Variants in ADAMTS6 observed in about 807,000 individuals in gnomAD.
ADAMTS6 encodes the protein ADAM metallopeptidase with thrombospondin type 1 motif 6.
A neutral mutation model predicts 144.3 loss-of-function variants in ADAMTS6; 23 were observed. The ratio of observed to expected loss-of-function variants is 0.16; its 90% confidence interval spans 0.11 to 0.23. The LOEUF is 0.23. ADAMTS6 is among the 10% of genes least tolerant of loss of function. The pLI, the probability that ADAMTS6 is intolerant of heterozygous loss-of-function variation, is 1.00. For missense variants in ADAMTS6, 999 were observed against 1,379.6 expected, an observed-to-expected ratio of 0.72 and a Z score of 4.37; for synonymous variants, 444 against 457.5, an observed-to-expected ratio of 0.97 and a Z score of 0.38.
At chr5:65,330,397 T>C (rs1746597146) in intron 8 of ADAMTS6, among the ~76,000 whole-genome samples, 1 of 152,100 alleles carries the variant, frequency 6.6e-6, no homozygotes, top group Non-Finnish European at 1.5e-5. Context: ...TTCATGCACA[T>C]AGAAACAAAA....
intron 11 of ADAMTS6, among the ~76,000 whole-genome samples, chr5:65,280,521 C>A (rs942335115): frequency 2.0e-5 from 3 of 152,080 alleles, no homozygotes; most frequent in African/African-American, 4.8e-5. Context: ...TAGACTATAT[C>A]TTTAAATATG....
chr5:65,226,188 C>T lies in ADAMTS6; in HGVS notation c.1965G>A (p.Leu655=). 1 of 1,613,706 alleles carries T rather than the reference C, an allele frequency of 6.2e-7. No homozygotes were observed. The highest frequency in any genetic ancestry group is 8.5e-7 in the Non-Finnish European group (1 of 1,179,794). The change falls in exon 16 of 25, where the codon TTG becomes TTA. Residue 655 remains leucine (L), a synonymous_variant. Transcript: ENST00000381055. ...CAGTGTAGAAATTATAACCTTCAGC[C>T]AAGCAGTTTAATGCACAAGGTTTTA... is the stretch of plus-strand genomic sequence containing the variant. The part of the protein sequence containing the change: ...GGVKPCALNC[L]AEGYNFYTER...
At chr5:65,448,780 A>G (rs914689246) in intron 7 of ADAMTS6, among the ~76,000 whole-genome samples, 3 of 151,968 alleles carry the variant, frequency 2.0e-5, no homozygotes, top group Non-Finnish European at 4.4e-5. Context: ...CACATTATAC[A>G]TTCTCCCTAG....
At chr5:65,207,513 A>G (rs894342960) in intron 20 of ADAMTS6, among the ~76,000 whole-genome samples, 3 of 152,208 alleles carry the variant, frequency 2.0e-5, no homozygotes, top group African/African-American at 7.2e-5. Context: ...GGAAGGTTTC[A>G]CTTTAAAGCC....
At chr5:65,480,478 A>C (rs572795086) in intron 1 of ADAMTS6, among the ~76,000 whole-genome samples, 1 of 152,176 alleles carries the variant, frequency 6.6e-6, no homozygotes, top group East Asian at 1.9e-4. Context: ...ATCTGGCCCA[A>C]ACGCGTTGCA....
intron 8 of ADAMTS6, among the ~76,000 whole-genome samples, chr5:65,329,697 G>A (rs1475326387): frequency 2.0e-5 from 3 of 152,098 alleles, no homozygotes; most frequent in African/African-American, 7.2e-5. Context: ...GTCAGTGCTG[G>A]AAAATGTCTA....
At chr5:65,335,325 G>A (rs1020368109) in intron 7 of ADAMTS6, among the ~76,000 whole-genome samples, 6 of 151,924 alleles carry the variant, frequency 3.9e-5, no homozygotes, top group African/African-American at 9.7e-5. Flanking sequence ...TTTGTAATTG[G>A]TAAGCCATGG....
chr5:65,179,467 G>T (rs534073100), intron 22 of ADAMTS6, among the ~76,000 whole-genome samples: 1 of 152,194 alleles, frequency 6.6e-6, no homozygotes, highest in African/African-American at 2.4e-5. Context: ...AGAAAAAGGG[G>T]TGCCCAAACA....
At chr5:65,242,341 T>C in intron 14 of ADAMTS6, 135 bp from the exon 15 acceptor site, 1 of 537,502 alleles carries the variant, frequency 1.9e-6, no homozygotes, top group Non-Finnish European at 3.2e-6. Flanking sequence ...TTTGCTTTAC[T>C]GTTTTACAAT....
intron 12 of ADAMTS6, among the ~76,000 whole-genome samples, chr5:65,271,830 T>C (rs1396982975): frequency 6.6e-6 from 1 of 152,166 alleles, no homozygotes; most frequent in Non-Finnish European, 1.5e-5. Context: ...TAAATATGGA[T>C]TGTTGTTTCA....
intron 22 of ADAMTS6, among the ~76,000 whole-genome samples, chr5:65,177,979 C>T (rs1032358963): frequency 1.3e-5 from 2 of 152,210 alleles, no homozygotes; most frequent in Non-Finnish European, 2.9e-5. Context: ...CGAGGGCCAT[C>T]CAGCCTCCCT....
At chr5:65,398,991 C>T (rs1420341834) in intron 7 of ADAMTS6, among the ~76,000 whole-genome samples, 10 of 151,954 alleles carry the variant, frequency 6.6e-5, no homozygotes, top group Admixed American at 6.6e-4. Context: ...GGTGCGGTGG[C>T]TCATGCCTGT....
chr5:65,359,845 T>C (rs1245039712), intron 7 of ADAMTS6, among the ~76,000 whole-genome samples: 1 of 151,872 alleles, frequency 6.6e-6, no homozygotes, highest in Non-Finnish European at 1.5e-5. Context: ...TATCACAAGC[T>C]AGGGAGAGGT....
intron 4 of ADAMTS6, among the ~76,000 whole-genome samples, chr5:65,455,876 T>C (rs1001220074): frequency 1.3e-5 from 2 of 152,006 alleles, no homozygotes; most frequent in African/African-American, 4.8e-5. Context: ...ATCTTTGTTA[T>C]TGTCAAAATT....
rs147737185 is a variant in ADAMTS6 at position 65,239,089 on chromosome 5, G to A, written c.1933+3015C>T. ...CAATGAGAACACTTGGACACAGGGA[G>A]GGGAACATCACACACCGGAGACTGT... On this transcript the variant is annotated intron_variant, in intron 15 of 24. Transcript: ENST00000381055. 2.1e-3 allele frequency among the ~76,000 whole-genome samples: 325 copies of A among 152,210 alleles called. 2 individuals are homozygous for A. Among genetic ancestry groups the A allele is most frequent in the African/African-American group, 7.4e-3 (309 of 41,524 alleles).
At chr5:65,406,155 T>C (rs553126906) in intron 7 of ADAMTS6, among the ~76,000 whole-genome samples, 44 of 152,174 alleles carry the variant, frequency 2.9e-4, no homozygotes, top group Non-Finnish European at 5.9e-4. Flanking sequence ...TCCTGCCTAA[T>C]TGCCCTGGCC....
At chr5:65,237,522 T>C (rs1363451444) in intron 15 of ADAMTS6, among the ~76,000 whole-genome samples, 5 of 152,124 alleles carry the variant, frequency 3.3e-5, no homozygotes, top group African/African-American at 1.2e-4. Flanking sequence ...TGGCTGGTTT[T>C]ACTAGTGAAA....
rs933252615 is a variant in ADAMTS6, at chr5:65,149,949, T to G, written c.*1887A>C. 2 of 152,436 alleles carry G rather than the reference T, an allele frequency of 1.3e-5. No individual in the cohort carries two copies. The highest frequency in any genetic ancestry group is 2.9e-5 in the Non-Finnish European group (2 of 68,048). 9.4% of individuals were successfully genotyped at this position (152,436 alleles called of 1,614,324 possible). ...CTCTGGAAGGCTCAGGGTTGAGAACTGTGGTGTTGAGAGAGAAAGCAGGTA... is the reference window on the plus strand; with the variant it reads ...CTCTGGAAGGCTCAGGGTTGAGAACGGTGGTGTTGAGAGAGAAAGCAGGTA... On this transcript the variant is annotated 3_prime_UTR_variant, in exon 25 of 25. Transcript: ENST00000381055.
intron 20 of ADAMTS6, among the ~76,000 whole-genome samples, chr5:65,212,199 A>G (rs2112315144): frequency 6.6e-6 from 1 of 152,308 alleles, no homozygotes; most frequent in Middle Eastern, 3.4e-3. Flanking sequence ...ACCAGACTTT[A>G]AGAACCACTT....
Sources: allele counts gnomAD v4.1 joint callset (sites outside exome capture counted in the v4.1 genomes callset), GRCh38; gene constraint gnomAD v4.1.1; transcripts MANE v1.5; gene names NCBI Gene and HGNC (gene_info 2026-07-23, HGNC 2026-07-21).